Variants in TAFA2 observed in about 807,000 individuals in gnomAD.
TAFA2 encodes chemokine-like protein TAFA-2.
In TAFA2, 7 loss-of-function variants were observed where a neutral mutation model predicts 18.8. The ratio of observed to expected loss-of-function variants is 0.37; its 90% CI spans 0.21 to 0.70. TAFA2 has a LOEUF of 0.70. TAFA2 is among the 30% of genes least tolerant of loss of function. TAFA2 has a pLI of 0.53. For missense variants in TAFA2, 122 were observed against 158.1 expected, an observed-to-expected ratio of 0.77 and a Z score of 1.23; for synonymous variants, 60 against 54.2, an observed-to-expected ratio of 1.11 and a Z score of -0.47.
At chr12:61,997,270 A>G (rs1456873886) in intron 1 of TAFA2, among the ~76,000 whole-genome samples, 2 of 151,880 alleles carry the variant, frequency 1.3e-5, no homozygotes, top group Admixed American at 6.6e-5. Flanking sequence ...GCAACAGACT[A>G]TGATCAGAGA....
intron 1 of TAFA2, among the ~76,000 whole-genome samples, chr12:62,063,247 G>A (rs1882399567): frequency 6.6e-6 from 1 of 152,112 alleles, no homozygotes; most frequent in African/African-American, 2.4e-5. Context: ...GGTAAAATTG[G>A]TTATAATCTC....
chr12:62,218,674 C>G (rs1019474131), intron 1 of TAFA2, among the ~76,000 whole-genome samples: 49 of 152,046 alleles, frequency 3.2e-4, no homozygotes, highest in African/African-American at 1.2e-3. Context: ...AGCTTTAAAT[C>G]TATGAATGAA....
Position 62,129,530 on chromosome 12 carries a change from G to A in TAFA2, c.-2+61729C>T, listed in dbSNP as rs554195867. The stretch of plus-strand genomic sequence containing the variant: ...GTTCACCGATACGGTGGTAATGAAC[G>A]TTGACAAAGACACTGAAGCACTGTA... On this transcript the variant is annotated intron_variant, in intron 1 of 4. Coordinates refer to ENST00000416284, the MANE Select transcript of TAFA2 (RefSeq NM_178539.5). Among the ~76,000 whole-genome samples the A allele has an allele frequency of 8.5e-5, 13 of 152,092 alleles. 1 individual carries two copies. The highest frequency in any genetic ancestry group is 4.1e-4 in the South Asian group (2 of 4,826).
At chr12:61,778,393 A>C (rs2120874780) in intron 2 of TAFA2, among the ~76,000 whole-genome samples, 1 of 151,798 alleles carries the variant, frequency 6.6e-6, no homozygotes, top group African/African-American at 2.4e-5. Flanking sequence ...ACTCAGTGAG[A>C]GTTCTAGTGA....
intron 1 of TAFA2, among the ~76,000 whole-genome samples, chr12:62,182,178 T>A (rs1452012476): frequency 6.6e-6 from 1 of 152,178 alleles, no homozygotes; most frequent in African/African-American, 2.4e-5. Context: ...AGTTATGAAA[T>A]AAACATCTCT....
rs114612703 is a variant in TAFA2 at position 61,871,121 on chromosome 12, T to C, written c.-1-3695A>G. Among the ~76,000 whole-genome samples the C allele has an allele frequency of 3.8e-3, 585 of 152,146 alleles. 5 individuals carry two copies. The highest frequency in any genetic ancestry group is 0.013 in the African/African-American group (551 of 41,508). On this transcript the variant is annotated intron_variant, in intron 1 of 4. Transcript: ENST00000416284. ...GAAGTGAAAAAGAGTCGGGGGGGCA[T>C]GCAACAAGACAGAGCAAACTGAGAA...
chr12:62,202,807 G>A (rs1169081374), intron 1 of TAFA2, among the ~76,000 whole-genome samples: 1 of 133,442 alleles, frequency 7.5e-6, no homozygotes, highest in African/African-American at 2.8e-5. Context: ...CAATTTACAT[G>A]TAGCTGTGTG....
At chr12:61,923,483 ACC>A (rs1877146379) in intron 1 of TAFA2, among the ~76,000 whole-genome samples, 2 of 152,168 alleles carry the variant, frequency 1.3e-5, no homozygotes, top group Non-Finnish European at 2.9e-5. Flanking sequence ...ACTCCAGCAG[ACC>A]TGCAGCAGAG....
At chr12:61,955,132 T>C (rs899726942) in intron 1 of TAFA2, among the ~76,000 whole-genome samples, 1 of 152,152 alleles carries the variant, frequency 6.6e-6, no homozygotes, top group Non-Finnish European at 1.5e-5. Flanking sequence ...ATTGTTAGAG[T>C]AATAAAATAG....
At chr12:61,848,549 TATGTTTTTACTGA>T (rs1873501785) in intron 2 of TAFA2, among the ~76,000 whole-genome samples, 1 of 152,206 alleles carries the variant, frequency 6.6e-6, no homozygotes. Flanking sequence ...GTTTTTACTG[TATGTTTTTACTGA>T]ATGAACTATT....
chr12:62,025,988 T>G (rs1881299629), intron 1 of TAFA2, among the ~76,000 whole-genome samples: 1 of 152,156 alleles, frequency 6.6e-6, no homozygotes, highest in Admixed American at 6.6e-5. Flanking sequence ...ACCCTGTTCA[T>G]TTTTTATACC....
At chr12:61,984,989 G>A (rs749028335) in intron 1 of TAFA2, among the ~76,000 whole-genome samples, 1 of 152,202 alleles carries the variant, frequency 6.6e-6, no homozygotes, top group Admixed American at 6.5e-5. Context: ...AAAGTGAAAG[G>A]AACTGAAGTT....
chr12:61,909,140 T>G (rs1876493607), intron 1 of TAFA2, among the ~76,000 whole-genome samples: 1 of 152,150 alleles, frequency 6.6e-6, no homozygotes, highest in Non-Finnish European at 1.5e-5. Flanking sequence ...GGATGAGAAG[T>G]CAGCCACAAA....
At chr12:61,968,161 T>C (rs973876717) in intron 1 of TAFA2, among the ~76,000 whole-genome samples, 2 of 151,826 alleles carry the variant, frequency 1.3e-5, no homozygotes, top group Non-Finnish European at 2.9e-5. Context: ...TTTCAAAAAC[T>C]TCATTTCTGC....
At position 61,867,306 on chromosome 12, in the gene TAFA2, A is replaced by AG. The variant is rs368021999; in HGVS notation, c.106+13_106+14insC. Reference sequence around the variant, plus strand: ...CATCCACATTTAGTTGAAAAAAAAAACAGAAAAGCTTACCTTTATGATGGT... The same window carrying AG: ...CATCCACATTTAGTTGAAAAAAAAAAGCAGAAAAGCTTACCTTTATGATGGT... On this transcript the variant is annotated intron_variant, in intron 2 of 4. Transcript: ENST00000416284. 6.5e-7 allele frequency: 1 copy of AG among 1,528,620 alleles called. No homozygotes were observed. The highest frequency in any genetic ancestry group is 9.0e-7 in the Non-Finnish European group (1 of 1,117,194). The allele number at this position is 1,528,620 out of a possible 1,614,324, so 94.7% of individuals were successfully genotyped here.
At chr12:62,090,339 A>T (rs564368356) in intron 1 of TAFA2, among the ~76,000 whole-genome samples, 20 of 152,252 alleles carry the variant, frequency 1.3e-4, no homozygotes, top group African/African-American at 4.8e-4. Flanking sequence ...AGTCATTTAC[A>T]CATCCATAAT....
intron 1 of TAFA2, among the ~76,000 whole-genome samples, chr12:62,154,584 A>G (rs2062355165): frequency 6.6e-6 from 1 of 152,240 alleles, no homozygotes; most frequent in Non-Finnish European, 1.5e-5. Flanking sequence ...AAGAGATAAT[A>G]TATTTGAAAG....
intron 1 of TAFA2, among the ~76,000 whole-genome samples, chr12:62,094,330 G>A (rs952019917): frequency 1.3e-5 from 2 of 151,986 alleles, no homozygotes; most frequent in Non-Finnish European, 2.9e-5. Flanking sequence ...GGAGACTCAG[G>A]TGGGGAGGTT....
At chr12:61,976,658 T>G (rs1021102921) in intron 1 of TAFA2, among the ~76,000 whole-genome samples, 1 of 152,010 alleles carries the variant, frequency 6.6e-6, no homozygotes, top group Non-Finnish European at 1.5e-5. Context: ...TTACATTAGG[T>G]ATAGCTCCTA....
Sources: gnomAD v4.1 joint callset for allele counts (sites outside exome capture counted in the v4.1 genomes callset) on GRCh38, gnomAD v4.1.1 for gene constraint, MANE v1.5 for transcripts, NCBI Gene and HGNC (gene_info 2026-07-23, HGNC 2026-07-21) for gene names.